PKN2: variants seen among roughly 807,000 people sequenced by gnomAD.
PKN2 encodes the protein serine/threonine-protein kinase N2.
PKN2 carries 38 observed loss-of-function variants against 119.1 expected under a neutral mutation model. The observed-to-expected ratio is 0.32, with a 90% CI of 0.25 to 0.42. PKN2 has a LOEUF of 0.42. Ranked by LOEUF, PKN2 falls within the 10% of genes least tolerant of loss-of-function variation. The pLI, the probability that PKN2 is intolerant of heterozygous loss-of-function variation, is 1.00. For missense variants in PKN2, 850 were observed against 1,165.1 expected, an observed-to-expected ratio of 0.73 and a Z score of 3.94; for synonymous variants, 390 against 384.9, an observed-to-expected ratio of 1.01 and a Z score of -0.15.
At chr1:88,788,491 G>T (rs981898337) in intron 8 of PKN2, among the ~76,000 whole-genome samples, 1 of 151,942 alleles carries the variant, frequency 6.6e-6, no homozygotes, top group African/African-American at 2.4e-5. Flanking sequence ...TGTTGCCCAG[G>T]CTGGAGTGCA....
intron 6 of PKN2, among the ~76,000 whole-genome samples, chr1:88,773,641 A>G (rs901917752): frequency 2.0e-5 from 3 of 152,050 alleles, no homozygotes; most frequent in Admixed American, 1.3e-4. Flanking sequence ...TATCCAGATG[A>G]GGTTGCATGC....
intron 2 of PKN2, among the ~76,000 whole-genome samples, chr1:88,748,711 G>T (rs1245829122): frequency 1.3e-5 from 2 of 152,114 alleles, no homozygotes; most frequent in African/African-American, 4.8e-5. Flanking sequence ...GAGGTGGGGG[G>T]ATCGTTTGAG....
chr1:88,793,041 A>G (rs371935084), intron 8 of PKN2, among the ~76,000 whole-genome samples: 1 of 152,212 alleles, frequency 6.6e-6, no homozygotes, highest in Admixed American at 6.5e-5. Flanking sequence ...TTTTAAATGG[A>G]TACTGTTGAC....
chr1:88,750,083 A>C (rs2100761578), intron 2 of PKN2, among the ~76,000 whole-genome samples: 1 of 152,302 alleles, frequency 6.6e-6, no homozygotes. Flanking sequence ...GTAGAATGAG[A>C]GGGACAGACA....
Position 88,828,580 on chromosome 1 carries a change from G to T in PKN2, c.2519G>T (p.Trp840Leu). 6.2e-7 allele frequency: 1 copy of T among 1,613,510 alleles called. No individual in the cohort carries two copies. The change falls in exon 19 of 22, where the codon TGG becomes TTG. Residue 840 changes from tryptophan to leucine, a missense_variant. Transcript: ENST00000370521. Reference sequence around the variant, plus strand: ...ACTTCTTATACAAGGGCTGTAGATTGGTGGGGCCTTGGCGTGCTTATATAT... The same window carrying T: ...ACTTCTTATACAAGGGCTGTAGATTTGTGGGGCCTTGGCGTGCTTATATAT... ...TETSYTRAVD[W>L]WGLGVLIYEM...
chr1:88,685,473 C>G (rs1032259064), intron 1 of PKN2, among the ~76,000 whole-genome samples: 3 of 152,092 alleles, frequency 2.0e-5, no homozygotes, highest in African/African-American at 7.2e-5. Context: ...CAAAGTAGAT[C>G]GCTTAGTTAA....
chr1:88,808,762 A>G (rs1671663519), intron 15 of PKN2, among the ~76,000 whole-genome samples: 1 of 152,134 alleles, frequency 6.6e-6, no homozygotes, highest in African/African-American at 2.4e-5. Context: ...TTCAATGGAC[A>G]TTTTTCTTAC....
Position 88,833,126 on chromosome 1 carries a change from C to T in PKN2, c.2720C>T (p.Ala907Val), listed in dbSNP as rs1391923175. Residue 907 changes from alanine (A) to valine (V), a missense_variant, in exon 21 of 22, where the codon GCA becomes GTA. By Grantham distance (64) the Ala-to-Val change is moderately conservative. Coordinates refer to ENST00000370521, the MANE Select transcript of PKN2 (RefSeq NM_006256.4). Reference protein sequence around the residue: ...ERRLGASEKDAEDVKKHPFFR... With the variant: ...ERRLGASEKDVEDVKKHPFFR... ...CGCCTTGGGGCTAGCGAGAAAGATGCAGAGGATGTAAAAAAGCACCCATTT... is the reference window on the plus strand; with the variant it reads ...CGCCTTGGGGCTAGCGAGAAAGATGTAGAGGATGTAAAAAAGCACCCATTT... 6.2e-7 allele frequency: 1 copy of T among 1,612,930 alleles called. No homozygotes were observed. Among genetic ancestry groups the T allele is most frequent in the Non-Finnish European group, 8.5e-7 (1 of 1,179,366 alleles).
intron 2 of PKN2, 129 bp from the exon 3 acceptor site, chr1:88,760,093 A>G (rs1221827418): frequency 1.9e-6 from 1 of 513,954 alleles, no homozygotes; most frequent in African/African-American, 2.1e-5. Flanking sequence ...GATTATCTAT[A>G]AGTATAAGGA....
rs1476760937 is a variant in PKN2, at chr1:88,771,420, G to T, written c.623-1G>T. 1 of 1,576,508 alleles carries T rather than the reference G, an allele frequency of 6.3e-7. No individual in the cohort carries two copies. Among genetic ancestry groups the T allele is most frequent in the Non-Finnish European group, 8.6e-7 (1 of 1,168,442 alleles). ...AATTAAAATTTTTTTTTCCTTTCTA[G>T]CAAAACCTGTGATAAGTCCTCTTGA... On this transcript the variant is annotated splice_acceptor_variant, in intron 4 of 21. Transcript: ENST00000370521. LOFTEE classifies it high-confidence loss of function.
intron 7 of PKN2, 95 bp from the exon 8 acceptor site, chr1:88,786,009 G>C: frequency 1.5e-6 from 1 of 656,916 alleles, no homozygotes. Context: ...TATTTTCAAA[G>C]GGTCTTAAGA....
At chr1:88,757,972 C>T (rs1570586132) in intron 2 of PKN2, among the ~76,000 whole-genome samples, 1 of 129,468 alleles carries the variant, frequency 7.7e-6, no homozygotes, top group Non-Finnish European at 1.6e-5. Context: ...ACCCAGGAGG[C>T]GGAGGTTGCA....
intron 1 of PKN2, among the ~76,000 whole-genome samples, chr1:88,688,836 C>T (rs550518499): frequency 1.3e-5 from 2 of 152,244 alleles, no homozygotes; most frequent in South Asian, 2.1e-4. Context: ...CCATTTGTCA[C>T]GTAGGAGGAG....
intron 1 of PKN2, among the ~76,000 whole-genome samples, chr1:88,722,371 T>C (rs1667715670): frequency 6.6e-6 from 1 of 152,214 alleles, no homozygotes; most frequent in Non-Finnish European, 1.5e-5. Context: ...TTATTTCTGA[T>C]TCTACCTGTT....
chr1:88,744,657 T>C (rs1668702628), intron 2 of PKN2, among the ~76,000 whole-genome samples: 1 of 152,170 alleles, frequency 6.6e-6, no homozygotes, highest in Non-Finnish European at 1.5e-5. Flanking sequence ...CTTTACTTTG[T>C]TGATCCGCCC....
chr1:88,690,378 T>A (rs946787208), intron 1 of PKN2, among the ~76,000 whole-genome samples: 57 of 152,256 alleles, frequency 3.7e-4, no homozygotes, highest in Non-Finnish European at 7.2e-4. Context: ...AAACAGTTAA[T>A]TCTACATTAT....
intron 2 of PKN2, among the ~76,000 whole-genome samples, chr1:88,746,071 C>A (rs1410159952): frequency 6.6e-6 from 1 of 152,090 alleles, no homozygotes; most frequent in East Asian, 1.9e-4. Flanking sequence ...ATACGTAATA[C>A]CTTTATACCT....
Position 88,786,114 on chromosome 1 carries a change from T to C in PKN2, c.1182T>C (p.Cys394=), listed in dbSNP as rs1479283116. Residue 394 remains cysteine (C), a synonymous_variant, in exon 8 of 22, where the codon TGT becomes TGC. Transcript: ENST00000370521. ...LKTDDLSNDV[C]AVLKLDNTVV... ...AAATTTTAATTACAGATGATGTCTG[T>C]GCTGTTTTGAAGCTCGATAATACTG... 6.2e-7 allele frequency: 1 copy of C among 1,602,830 alleles called. No homozygotes were observed. Among genetic ancestry groups the C allele is most frequent in the Non-Finnish European group, 8.5e-7 (1 of 1,170,046 alleles).
chr1:88,807,629 ATATC>A, intron 14 of PKN2, 25 bp downstream of exon 14: 1 of 1,586,482 alleles, frequency 6.3e-7, no homozygotes, highest in African/African-American at 1.4e-5. Context: ...ATTTTTTGGA[ATATC>A]TACAACATTA....
Sources: allele counts gnomAD v4.1 joint callset (sites outside exome capture counted in the v4.1 genomes callset), GRCh38; gene constraint gnomAD v4.1.1; transcripts MANE v1.5; gene names NCBI Gene and HGNC (gene_info 2026-07-23, HGNC 2026-07-21).